OSBPL1A: variants seen among roughly 807,000 people sequenced by gnomAD.
OSBPL1A encodes oxysterol-binding protein-related protein 1.
OSBPL1A carries 80 observed loss-of-function variants against 137.1 expected under a neutral mutation model. The observed-to-expected ratio is 0.58, with a 90% CI of 0.49 to 0.70. OSBPL1A has a LOEUF of 0.70. Ranked by LOEUF, OSBPL1A falls within the 30% of genes least tolerant of loss-of-function variation. The pLI, the probability that OSBPL1A is intolerant of heterozygous loss-of-function variation, is 0.00. For synonymous variants in OSBPL1A, 365 were observed against 389.7 expected, an observed-to-expected ratio of 0.94 and a Z score of 0.75; for missense variants, 970 against 1,129.4, an observed-to-expected ratio of 0.86 and a Z score of 2.02.
intron 4 of OSBPL1A, chr18:24,357,283 T>G (rs1036141515): frequency 6.6e-6 from 1 of 152,122 alleles, no homozygotes; most frequent in African/African-American, 2.4e-5. Flanking sequence ...TGGGAAAAGA[T>G]AGTCATGCCT....
chr18:24,209,207 A>G (rs1567946722), intron 17 of OSBPL1A, among the ~76,000 whole-genome samples: 1 of 152,260 alleles, frequency 6.6e-6, no homozygotes, highest in Non-Finnish European at 1.5e-5. Flanking sequence ...TAGTATCCAG[A>G]ATACATAAAG....
chr18:24,267,109 G>C lies in OSBPL1A; in HGVS notation c.1281+13733C>G, dbSNP rs141180872. Among the ~76,000 whole-genome samples the C allele has an allele frequency of 2.7e-3, 405 of 149,474 alleles. 1 individual carries two copies. Among genetic ancestry groups the C allele is most frequent in the African/African-American group, 9.2e-3 (377 of 40,890 alleles). ...AGTCAGTATTAGAAAAAAGAAAATG[G>C]AAAAAGTTTAGGAAAGATATATAAT... On this transcript the variant is annotated intron_variant, in intron 15 of 27. Transcript: ENST00000319481.
chr18:24,347,840 T>A (rs1423692147), intron 4 of OSBPL1A: 15 of 43,910 alleles, frequency 3.4e-4, no homozygotes, highest in African/African-American at 2.2e-3. Flanking sequence ...ACACTCCATC[T>A]GAAAAAAAAA....
At chr18:24,195,783 G>T (rs1253264775) in intron 18 of OSBPL1A, among the ~76,000 whole-genome samples, 48 of 152,172 alleles carry the variant, frequency 3.2e-4, no homozygotes, top group Admixed American at 3.1e-3. Flanking sequence ...GTGCACAGAA[G>T]TGTAAGTGAA....
At chr18:24,384,873 G>C (rs549392531) in intron 1 of OSBPL1A, among the ~76,000 whole-genome samples, 3 of 146,250 alleles carry the variant, frequency 2.1e-5, no homozygotes, top group African/African-American at 7.7e-5. Context: ...AAACTGTCTC[G>C]GAAAAAAAAA....
intron 18 of OSBPL1A, among the ~76,000 whole-genome samples, chr18:24,188,157 T>G (rs1395024199): frequency 6.6e-6 from 1 of 152,230 alleles, no homozygotes; most frequent in Middle Eastern, 3.2e-3. Context: ...ATTTTAGTAT[T>G]TATAAGACAG....
At chr18:24,362,783 A>T (rs774014053) in intron 4 of OSBPL1A, among the ~76,000 whole-genome samples, 1 of 152,252 alleles carries the variant, frequency 6.6e-6, no homozygotes, top group Non-Finnish European at 1.5e-5. Context: ...TGTTATCCTG[A>T]AAAAATGAGC....
intron 16 of OSBPL1A, among the ~76,000 whole-genome samples, chr18:24,228,328 T>C (rs1369875836): frequency 6.6e-6 from 1 of 150,768 alleles, no homozygotes; most frequent in African/African-American, 2.4e-5. Flanking sequence ...CTCTATACTT[T>C]GCTCTCAAAC....
chr18:24,234,577 C>A (rs2088387496), intron 16 of OSBPL1A, among the ~76,000 whole-genome samples: 1 of 152,168 alleles, frequency 6.6e-6, no homozygotes, highest in African/African-American at 2.4e-5. Flanking sequence ...GCTGGCTCTG[C>A]ACCAAGGCTT....
intron 1 of OSBPL1A, among the ~76,000 whole-genome samples, chr18:24,382,647 G>T (rs1906682904): frequency 6.6e-6 from 1 of 151,864 alleles, no homozygotes; most frequent in Non-Finnish European, 1.5e-5. Context: ...GGAGGCCGAG[G>T]TGGGTGGATC....
intron 1 of OSBPL1A, among the ~76,000 whole-genome samples, chr18:24,381,195 T>C (rs1304214741): frequency 2.0e-5 from 3 of 152,090 alleles, no homozygotes; most frequent in African/African-American, 7.2e-5. Flanking sequence ...AGTGGGATTA[T>C]AGCCAAGGAG....
At chr18:24,232,646 C>T (rs2088317214) in intron 16 of OSBPL1A, among the ~76,000 whole-genome samples, 1 of 152,208 alleles carries the variant, frequency 6.6e-6, no homozygotes, top group South Asian at 2.1e-4. Flanking sequence ...AGGAAGGTCA[C>T]ATTATGCATT....
intron 15 of OSBPL1A, among the ~76,000 whole-genome samples, chr18:24,240,684 T>C (rs372053461): frequency 1.4e-4 from 22 of 152,352 alleles, no homozygotes; most frequent in African/African-American, 5.3e-4. Flanking sequence ...ATCAGAAGTC[T>C]TCAACATAGT....
At chr18:24,303,449 T>C (rs988921904) in intron 14 of OSBPL1A, among the ~76,000 whole-genome samples, 188 bp downstream of exon 14, 1 of 152,182 alleles carries the variant, frequency 6.6e-6, no homozygotes, top group Non-Finnish European at 1.5e-5. Context: ...ACATTATTAA[T>C]CTCTAAAGCA....
intron 18 of OSBPL1A, among the ~76,000 whole-genome samples, chr18:24,189,929 C>T (rs931558837): frequency 7.9e-5 from 12 of 152,216 alleles, no homozygotes; most frequent in South Asian, 2.1e-4. Flanking sequence ...TGGGAAAAGG[C>T]GGTGTGTTCA....
chr18:24,340,614 G>C (rs1327780366), intron 5 of OSBPL1A, among the ~76,000 whole-genome samples: 1 of 152,146 alleles, frequency 6.6e-6, no homozygotes, highest in African/African-American at 2.4e-5. Context: ...AGACTAGCCT[G>C]ACCAACATGC....
chr18:24,234,248 T>C (rs945097914), intron 16 of OSBPL1A, among the ~76,000 whole-genome samples: 3 of 152,192 alleles, frequency 2.0e-5, no homozygotes, highest in African/African-American at 7.2e-5. Flanking sequence ...TCAATGCGCA[T>C]GAATGTCTAG....
At chr18:24,310,020 C>A (rs1028505957) in intron 13 of OSBPL1A, among the ~76,000 whole-genome samples, 1 of 148,182 alleles carries the variant, frequency 6.7e-6, no homozygotes, top group Non-Finnish European at 1.5e-5. Context: ...GCACTCCAGC[C>A]CGTGCAACAG....
At chr18:24,213,425 C>T (rs1288331476) in intron 17 of OSBPL1A, among the ~76,000 whole-genome samples, 1 of 152,012 alleles carries the variant, frequency 6.6e-6, no homozygotes, top group Non-Finnish European at 1.5e-5. Flanking sequence ...AAAAATTAGC[C>T]AGGTGTGGTG....
Sources: allele counts gnomAD v4.1 joint callset (sites outside exome capture counted in the v4.1 genomes callset), GRCh38; gene constraint gnomAD v4.1.1; transcripts MANE v1.5; gene names NCBI Gene and HGNC (gene_info 2026-07-23, HGNC 2026-07-21).